Variants in CLYBL observed in about 807,000 individuals in gnomAD.
CLYBL encodes the protein citramalyl-CoA lyase, also known as citramalyl-CoA lyase, mitochondrial.
CLYBL carries 31 observed loss-of-function variants against 38.9 expected under a neutral mutation model. That is an observed-to-expected ratio of 0.80 (90% CI 0.60 to 1.08). CLYBL has a LOEUF of 1.08. CLYBL is among the 50% of genes least tolerant of loss of function. The pLI is 0.00. For synonymous variants in CLYBL, 171 were observed against 158.6 expected, an observed-to-expected ratio of 1.08 and a Z score of -0.59; for missense variants, 434 against 411.6, an observed-to-expected ratio of 1.05 and a Z score of -0.47.
chr13:99,715,855 A>C (rs1188897905), intron 1 of CLYBL, among the ~76,000 whole-genome samples: 1 of 151,872 alleles, frequency 6.6e-6, no homozygotes, highest in Non-Finnish European at 1.5e-5. Context: ...TTCACTCTCC[A>C]TTTGCCAGTG....
At chr13:99,835,265 C>T (rs1328883416) in intron 2 of CLYBL, among the ~76,000 whole-genome samples, 1 of 152,248 alleles carries the variant, frequency 6.6e-6, no homozygotes, top group Non-Finnish European at 1.5e-5. Flanking sequence ...AAGTTTATTT[C>T]TCTCTCACCC....
chr13:99,770,720 T>A (rs1386469582), intron 1 of CLYBL, among the ~76,000 whole-genome samples: 1 of 152,026 alleles, frequency 6.6e-6, no homozygotes, highest in Non-Finnish European at 1.5e-5. Context: ...TAACTTTTCT[T>A]AACTGGCAGT....
At chr13:99,886,109 C>T (rs1235866896) in intron 7 of CLYBL, among the ~76,000 whole-genome samples, 4 of 152,152 alleles carry the variant, frequency 2.6e-5, no homozygotes, top group Admixed American at 6.5e-5. Flanking sequence ...CAAATATTAG[C>T]GTTAATTCTC....
At chr13:99,655,437 G>T (rs1225226924) in intron 1 of CLYBL, among the ~76,000 whole-genome samples, 1 of 152,206 alleles carries the variant, frequency 6.6e-6, no homozygotes, top group South Asian at 2.1e-4. Context: ...ACATGCAAAG[G>T]TGTGACTCAT....
At position 99,620,886 on chromosome 13, in the gene CLYBL, A is replaced by G. The variant is rs550522427; in HGVS notation, c.62+14129A>G. Among the ~76,000 whole-genome samples the G allele has an allele frequency of 5.9e-5, 9 of 152,336 alleles. No homozygotes were observed. In the South Asian group the frequency reaches 1.7e-3, roughly 28 times the overall value. Reference sequence around the variant, plus strand: ...GAAAATGTCTTCTTCAGACACCTCAACTACAAAGGAGTCAGCCAGTCAAGA... The same window carrying G: ...GAAAATGTCTTCTTCAGACACCTCAGCTACAAAGGAGTCAGCCAGTCAAGA... On this transcript the variant is annotated intron_variant, in intron 1 of 8. Coordinates refer to ENST00000339105, the MANE Select transcript of CLYBL (RefSeq NM_206808.5).
intron 2 of CLYBL, among the ~76,000 whole-genome samples, chr13:99,807,367 G>A (rs2050252381): frequency 6.6e-6 from 1 of 152,164 alleles, no homozygotes; most frequent in South Asian, 2.1e-4. Context: ...TTATCCATAA[G>A]GATTGAGAGC....
intron 2 of CLYBL, among the ~76,000 whole-genome samples, chr13:99,799,328 T>C (rs1201752753): frequency 6.6e-6 from 1 of 152,072 alleles, no homozygotes; most frequent in Admixed American, 6.6e-5. Context: ...TATACATATA[T>C]ACACATACAT....
chr13:99,869,225 A>T lies in CLYBL; in HGVS notation c.803-1713A>T, dbSNP rs1214081395. On this transcript the variant is annotated intron_variant, in intron 6 of 8. Coordinates refer to ENST00000339105, the MANE Select transcript of CLYBL (RefSeq NM_206808.5). This position sits in a 1 kb window ranked among gnomAD's most constrained non-coding sequence, Gnocchi z 4.3. ...ACTGGAGGATGGAGAGCTAGCAGTG[A>T]TTTCACAGTATTTTAAGTAGTTTAT... Among the ~76,000 whole-genome samples, 1 of 152,192 alleles carries T rather than the reference A, an allele frequency of 6.6e-6. No individual in the cohort carries two copies. Among genetic ancestry groups the T allele is most frequent in the Non-Finnish European group, 1.5e-5 (1 of 68,012 alleles).
chr13:99,674,510 G>A (rs2047615449), intron 1 of CLYBL, among the ~76,000 whole-genome samples: 1 of 152,164 alleles, frequency 6.6e-6, no homozygotes, highest in African/African-American at 2.4e-5. Context: ...GAGAGGCTGG[G>A]TCTGGAGATG....
At chr13:99,666,280 C>T (rs944047599) in intron 1 of CLYBL, among the ~76,000 whole-genome samples, 2 of 152,042 alleles carry the variant, frequency 1.3e-5, no homozygotes, top group Non-Finnish European at 2.9e-5. Flanking sequence ...CAGTACAGCC[C>T]CTGCCAAGAA....
At position 99,772,517 on chromosome 13, in the gene CLYBL, C is replaced by T. The variant is rs530438303; in HGVS notation, c.63-307C>T. ...TTCAAGACCAGCCTGGGCAACATGA[C>T]GAAATCCCATCTCTACAAAAAATAC... is the stretch of plus-strand genomic sequence containing the variant. On this transcript the variant is annotated intron_variant, in intron 1 of 8. Coordinates refer to ENST00000339105, the MANE Select transcript of CLYBL (RefSeq NM_206808.5). Among the ~76,000 whole-genome samples the T allele has an allele frequency of 6.6e-5, 10 of 152,018 alleles. No homozygotes were observed. The South Asian group carries it at 8.3e-4, about 13-fold the overall frequency.
chr13:99,667,276 C>T (rs768791419), intron 1 of CLYBL, among the ~76,000 whole-genome samples: 17 of 152,076 alleles, frequency 1.1e-4, no homozygotes, highest in Non-Finnish European at 2.4e-4. Flanking sequence ...GCCACGTATG[C>T]TGTAAACAGA....
chr13:99,693,152 T>C (rs184469352), intron 1 of CLYBL, among the ~76,000 whole-genome samples: 18 of 152,328 alleles, frequency 1.2e-4, no homozygotes, highest in Non-Finnish European at 2.2e-4. Context: ...GTATAGCGTT[T>C]TGTGCCTGTG....
At chr13:99,715,875 C>T (rs2048304254) in intron 1 of CLYBL, among the ~76,000 whole-genome samples, 2 of 152,122 alleles carry the variant, frequency 1.3e-5, no homozygotes, top group Admixed American at 1.3e-4. Context: ...GGTTTGTTAA[C>T]ATCTCTTATA....
At chr13:99,880,085 T>TTTG (rs1474905088) in intron 7 of CLYBL, among the ~76,000 whole-genome samples, 7 of 145,336 alleles carry the variant, frequency 4.8e-5, no homozygotes, top group Non-Finnish European at 7.6e-5. Context: ...TTTTTTTTTT[T>TTTG]GAGACAGAGT....
chr13:99,631,360 T>TGC (rs2046941888), intron 1 of CLYBL, among the ~76,000 whole-genome samples: 1 of 151,728 alleles, frequency 6.6e-6, no homozygotes, highest in African/African-American at 2.4e-5. Context: ...TGTGTGTGTG[T>TGC]GTGTATGTAT....
chr13:99,621,281 A>G (rs1472014932), intron 1 of CLYBL, among the ~76,000 whole-genome samples: 1 of 151,618 alleles, frequency 6.6e-6, no homozygotes, highest in Non-Finnish European at 1.5e-5. Flanking sequence ...CTCCTCACCT[A>G]TCCTCCATCT....
chr13:99,882,046 GTAA>G (rs756830088), intron 7 of CLYBL, among the ~76,000 whole-genome samples: 3 of 152,018 alleles, frequency 2.0e-5, no homozygotes, highest in African/African-American at 4.8e-5. Flanking sequence ...CTCATCTTAT[GTAA>G]TAATATTTCT....
At chr13:99,745,940 T>C (rs567489896) in intron 1 of CLYBL, among the ~76,000 whole-genome samples, 2 of 152,090 alleles carry the variant, frequency 1.3e-5, no homozygotes, top group South Asian at 2.1e-4. Context: ...CCTCATTTCA[T>C]TGAGATTGAC....
Sources: allele counts gnomAD v4.1 joint callset (sites outside exome capture counted in the v4.1 genomes callset), GRCh38; gene constraint gnomAD v4.1.1; non-coding constraint Gnocchi (gnomAD v3.1); transcripts MANE v1.5; gene names NCBI Gene and HGNC (gene_info 2026-07-23, HGNC 2026-07-21).